The following EYS variants were observed in gnomAD, a reference collection of about 807,000 sequenced individuals.
EYS encodes the protein EGF-like photoreceptor maintenance factor.
In EYS, 250 loss-of-function variants were observed where a neutral mutation model predicts 282.1. That is an observed-to-expected ratio of 0.89 (90% CI 0.80 to 0.98). EYS has a LOEUF of 0.98. EYS is among the 50% of genes least tolerant of loss of function. EYS has a pLI of 0.00. For synonymous variants in EYS, 1,355 were observed against 1,282.9 expected, an observed-to-expected ratio of 1.06 and a Z score of -1.20; for missense variants, 4,016 against 3,709.0, an observed-to-expected ratio of 1.08 and a Z score of -2.15.
chr6:64,097,488 A>T (rs1772668796), intron 31 of EYS, among the ~76,000 whole-genome samples: 1 of 152,096 alleles, frequency 6.6e-6, no homozygotes, highest in South Asian at 2.1e-4. Context: ...TCTACCTTGC[A>T]GTTTGATCTC....
At chr6:65,381,436 G>A (rs879790925) in intron 8 of EYS, among the ~76,000 whole-genome samples, 8 of 151,922 alleles carry the variant, frequency 5.3e-5, no homozygotes, top group Non-Finnish European at 1.2e-4. Context: ...TGGAGATAGG[G>A]AGGGAAATAT....
At chr6:65,415,780 A>C (rs1767206617) in intron 5 of EYS, among the ~76,000 whole-genome samples, 1 of 152,084 alleles carries the variant, frequency 6.6e-6, no homozygotes, top group Non-Finnish European at 1.5e-5. Context: ...AGTTTGAGCA[A>C]GGAAGAGACG....
At chr6:65,681,289 G>C (rs1262775435) in intron 1 of EYS, among the ~76,000 whole-genome samples, 1 of 151,970 alleles carries the variant, frequency 6.6e-6, no homozygotes, top group East Asian at 1.9e-4. Context: ...ATCTGTGGGG[G>C]CTAACAGCTA....
intron 2 of EYS, among the ~76,000 whole-genome samples, chr6:65,579,836 C>T (rs1316763810): frequency 6.6e-6 from 1 of 152,068 alleles, no homozygotes; most frequent in Non-Finnish European, 1.5e-5. Flanking sequence ...AGAACCTTGT[C>T]TCCAGGGAGA....
chr6:64,375,571 G>A (rs1440109533), intron 29 of EYS, among the ~76,000 whole-genome samples: 1 of 152,140 alleles, frequency 6.6e-6, no homozygotes, highest in Non-Finnish European at 1.5e-5. Context: ...AGGAGATATG[G>A]CAGATACTAT....
intron 12 of EYS, among the ~76,000 whole-genome samples, chr6:65,266,106 A>G (rs1007651631): frequency 1.3e-5 from 2 of 151,948 alleles, no homozygotes; most frequent in African/African-American, 2.4e-5. Context: ...CCAAGTTGAT[A>G]ATATAGAGAG....
At chr6:64,748,032 A>G (rs932788298) in intron 22 of EYS, among the ~76,000 whole-genome samples, 16 of 152,230 alleles carry the variant, frequency 1.1e-4, no homozygotes, top group Non-Finnish European at 7.3e-5. Context: ...GGTAGTCCCA[A>G]ATAAATGTCA....
chr6:64,165,376 T>C (rs1764259000), intron 31 of EYS, among the ~76,000 whole-genome samples: 1 of 152,104 alleles, frequency 6.6e-6, no homozygotes. Context: ...TTTATTTGAA[T>C]AAGTTTAATG....
chr6:65,166,105 A>G (rs1764965374), intron 12 of EYS, among the ~76,000 whole-genome samples: 1 of 151,236 alleles, frequency 6.6e-6, no homozygotes, highest in South Asian at 2.1e-4. Flanking sequence ...AAACAAATGG[A>G]ATGATGTCCC....
intron 35 of EYS, among the ~76,000 whole-genome samples, chr6:63,976,019 T>C (rs1420891001): frequency 6.6e-6 from 1 of 152,046 alleles, no homozygotes; most frequent in East Asian, 1.9e-4. Context: ...CCAAAGCATG[T>C]TCTGAATACT....
chr6:65,547,700 C>T lies in EYS; in HGVS notation c.-332-51707G>A, dbSNP rs1444539342. 2.0e-5 allele frequency among the ~76,000 whole-genome samples: 3 copies of T among 152,028 alleles called. No individual in the cohort carries two copies. The East Asian group carries it at 5.8e-4, about 29-fold the overall frequency. On this transcript the variant is annotated intron_variant, in intron 2 of 42. Transcript: ENST00000503581. ...ATTTATGTGCCATTTGAACTTTTTA[C>T]TTTGAAAATTGTCTGTATCTTTTGG... is the stretch of plus-strand genomic sequence containing the variant.
chr6:65,371,010 A>C (rs1765122326), intron 8 of EYS, among the ~76,000 whole-genome samples: 1 of 151,828 alleles, frequency 6.6e-6, no homozygotes, highest in African/African-American at 2.4e-5. Context: ...GAAAAAAAAA[A>C]CACAGAAAGT....
chr6:64,350,697 A>C (rs372792111), intron 29 of EYS, among the ~76,000 whole-genome samples: 35 of 151,638 alleles, frequency 2.3e-4, no homozygotes, highest in African/African-American at 8.2e-4. Context: ...AGATACTTAC[A>C]TCCTCAAATG....
rs116445796 is a variant in EYS, at chr6:64,228,226, A to G, written c.6424+2366T>C. Among the ~76,000 whole-genome samples, 624 of 152,282 alleles carry G rather than the reference A, an allele frequency of 4.1e-3. 8 individuals are homozygous for G. The highest frequency in any genetic ancestry group is 0.014 in the African/African-American group (596 of 41,560). Reference sequence around the variant, plus strand: ...TCTTTATGACAGAAAGAGGCAAGATACTCTATTCAAATGTAAAGAGTAAAT... The same window carrying G: ...TCTTTATGACAGAAAGAGGCAAGATGCTCTATTCAAATGTAAAGAGTAAAT... On this transcript the variant is annotated intron_variant, in intron 31 of 42. Coordinates refer to ENST00000503581, the MANE Select transcript of EYS (RefSeq NM_001142800.2).
chr6:65,091,893 G>C (rs1311247159), intron 12 of EYS, among the ~76,000 whole-genome samples: 1 of 152,130 alleles, frequency 6.6e-6, no homozygotes, highest in Non-Finnish European at 1.5e-5. Flanking sequence ...CTGTAGGAGA[G>C]AGAAAGAATA....
intron 31 of EYS, among the ~76,000 whole-genome samples, chr6:64,213,483 T>C (rs1765844481): frequency 1.3e-5 from 2 of 152,168 alleles, no homozygotes; most frequent in South Asian, 4.1e-4. Context: ...TGCATCAGCA[T>C]GATATGTATA....
intron 31 of EYS, among the ~76,000 whole-genome samples, chr6:64,141,333 T>C (rs1774330883): frequency 6.6e-6 from 1 of 152,200 alleles, no homozygotes; most frequent in Non-Finnish European, 1.5e-5. Context: ...CTGGCAGGAA[T>C]AAAGTGATAT....
chr6:63,926,434 G>A (rs779954851), intron 35 of EYS, among the ~76,000 whole-genome samples: 2 of 152,160 alleles, frequency 1.3e-5, no homozygotes, highest in Non-Finnish European at 2.9e-5. Flanking sequence ...TACCACTTGG[G>A]ACTTTTACAG....
At chr6:63,748,776 A>G (rs1769271446) in intron 41 of EYS, among the ~76,000 whole-genome samples, 1 of 152,068 alleles carries the variant, frequency 6.6e-6, no homozygotes, top group Non-Finnish European at 1.5e-5. Context: ...GTGTGCATAG[A>G]AGTGTTTACA....
Sources: allele counts gnomAD v4.1 joint callset (sites outside exome capture counted in the v4.1 genomes callset), GRCh38; gene constraint gnomAD v4.1.1; transcripts MANE v1.5; gene names NCBI Gene and HGNC (gene_info 2026-07-23, HGNC 2026-07-21).